Variants in DNM3 observed in about 807,000 individuals in gnomAD.
DNM3 encodes the protein dynamin-3.
In DNM3, 47 loss-of-function variants were observed where a neutral mutation model predicts 101.6. The observed-to-expected ratio is 0.46, with a 90% CI of 0.37 to 0.59. The LOEUF (loss-of-function observed/expected upper bound fraction) is 0.59, where lower values mean the gene tolerates loss of function less well. Among genes scored for constraint, DNM3 ranks in the 20% least tolerant of loss-of-function variants. The probability of loss-of-function intolerance (pLI) is 0.00; values close to 1 mark genes in which losing one functional copy is unlikely to be tolerated. For synonymous variants in DNM3, 385 were observed against 387.9 expected (o/e 0.99, Z 0.09); for missense variants, 849 against 1,085.7 (o/e 0.78, Z 3.06).
At chr1:171,854,642 A>G (rs1360145648) in intron 1 of DNM3, among the ~76,000 whole-genome samples, 2 of 152,092 alleles carry the variant, frequency 1.3e-5, no homozygotes, top group Non-Finnish European at 2.9e-5. Flanking sequence ...GACTCTCCCA[A>G]AGAAAAATTG....
chr1:172,131,783 G>C, intron 14 of DNM3: 1 of 392,976 alleles, frequency 2.5e-6, no homozygotes, highest in Non-Finnish European at 5.0e-6. Flanking sequence ...TCAGATCATT[G>C]TTTATACAAA....
chr1:172,291,243 AGTGTGTGTGTGTGCACACGCATACAT>A (rs1191202283), intron 15 of DNM3, among the ~76,000 whole-genome samples: 1 of 152,028 alleles, frequency 6.6e-6, no homozygotes, highest in Non-Finnish European at 1.5e-5. Context: ...GTCTAGAGAA[AGTGTGTGTGTGTGCACACGCATACAT>A]GTGCGTGTGT....
At chr1:172,149,587 T>C (rs887355921) in intron 14 of DNM3, among the ~76,000 whole-genome samples, 1 of 152,154 alleles carries the variant, frequency 6.6e-6, no homozygotes, top group Admixed American at 6.6e-5. Context: ...CTGAATGCTA[T>C]GTGCTATGAG....
chr1:171,911,794 T>G (rs1252612241), intron 1 of DNM3, among the ~76,000 whole-genome samples: 5 of 152,128 alleles, frequency 3.3e-5, no homozygotes, highest in Non-Finnish European at 7.4e-5. Flanking sequence ...ACTGCCCTGG[T>G]CAGCGGGTAA....
chr1:172,106,844 A>ATTTTTTTTTTTTTTTT (rs1289662689), intron 13 of DNM3, among the ~76,000 whole-genome samples: 26 of 51,042 alleles, frequency 5.1e-4, no homozygotes, highest in African/African-American at 1.6e-3. Flanking sequence ...AGGTAACATT[A>ATTTTTTTTTTTTTTTT]TTCTTTTTTT....
intron 10 of DNM3, among the ~76,000 whole-genome samples, chr1:172,055,701 G>A (rs2050548898): frequency 6.6e-6 from 1 of 152,162 alleles, no homozygotes; most frequent in Non-Finnish European, 1.5e-5. Context: ...TGATTCAGCA[G>A]GTGACGGTCA....
chr1:172,154,597 G>A (rs562247199), intron 14 of DNM3, among the ~76,000 whole-genome samples: 5 of 152,182 alleles, frequency 3.3e-5, no homozygotes, highest in African/African-American at 1.2e-4. Context: ...TAAAACTAAA[G>A]TGAATGGCAA....
At chr1:172,229,763 C>T (rs761605930) in intron 14 of DNM3, among the ~76,000 whole-genome samples, 8 of 152,066 alleles carry the variant, frequency 5.3e-5, no homozygotes, top group Admixed American at 1.3e-4. Context: ...CACACACACA[C>T]ACATACATAC....
At chr1:172,073,253 A>G (rs76517250) in intron 11 of DNM3, among the ~76,000 whole-genome samples, 10,321 of 150,640 alleles carry the variant, frequency 0.069, 690 homozygotes, top group East Asian at 0.17. Context: ...GTACATATAT[A>G]CATACATATA....
At chr1:172,030,861 C>T (rs1285103858) in intron 4 of DNM3, among the ~76,000 whole-genome samples, 1 of 152,204 alleles carries the variant, frequency 6.6e-6, no homozygotes, top group East Asian at 1.9e-4. Context: ...GATACCATCT[C>T]ATGCCAGTTA....
At chr1:172,253,988 C>A (rs2062294520) in intron 15 of DNM3, among the ~76,000 whole-genome samples, 2 of 151,998 alleles carry the variant, frequency 1.3e-5, no homozygotes, top group Admixed American at 1.3e-4. Flanking sequence ...GTCATCCAGA[C>A]CGGAATACAG....
intron 13 of DNM3, among the ~76,000 whole-genome samples, chr1:172,111,049 T>A (rs1038650423): frequency 2.0e-5 from 3 of 152,174 alleles, no homozygotes; most frequent in Middle Eastern, 3.2e-3. Flanking sequence ...AAAATAAAAT[T>A]AAATTAAATA....
intron 4 of DNM3, among the ~76,000 whole-genome samples, chr1:171,989,799 G>A (rs1478685395): frequency 1.3e-5 from 2 of 152,078 alleles, no homozygotes; most frequent in Non-Finnish European, 2.9e-5. Context: ...TTGTGGAAGG[G>A]CATTCAATGA....
chr1:171,933,511 C>T (rs1358796811), intron 2 of DNM3, among the ~76,000 whole-genome samples: 6 of 152,132 alleles, frequency 3.9e-5, no homozygotes, highest in African/African-American at 1.4e-4. Flanking sequence ...AGTGAGTGTT[C>T]AAGCCACGCT....
chr1:172,000,733 A>G (rs2046309031), intron 4 of DNM3, among the ~76,000 whole-genome samples: 1 of 152,042 alleles, frequency 6.6e-6, no homozygotes, highest in Admixed American at 6.6e-5. Flanking sequence ...GTCACTGGTG[A>G]CCTTGATAAG....
chr1:172,120,146 A>G (rs2056215662), intron 13 of DNM3, among the ~76,000 whole-genome samples: 1 of 152,184 alleles, frequency 6.6e-6, no homozygotes, highest in Non-Finnish European at 1.5e-5. Context: ...GTAAATTACA[A>G]AGAAAAAGAG....
chr1:172,122,281 C>T (rs2056370513), intron 13 of DNM3, among the ~76,000 whole-genome samples: 1 of 152,092 alleles, frequency 6.6e-6, no homozygotes, highest in Admixed American at 6.6e-5. Flanking sequence ...ACAAATATAA[C>T]TGAAATAATA....
At chr1:172,035,989 T>A (rs1014649215) in intron 6 of DNM3, among the ~76,000 whole-genome samples, 29 of 152,108 alleles carry the variant, frequency 1.9e-4, no homozygotes, top group Admixed American at 1.0e-3. Flanking sequence ...CCTTACTTTT[T>A]TTTTCTTTTT....
At chr1:172,069,297 A>C (rs2051966527) in intron 11 of DNM3, among the ~76,000 whole-genome samples, 1 of 152,352 alleles carries the variant, frequency 6.6e-6, no homozygotes, top group African/African-American at 2.4e-5. Flanking sequence ...GGACTCCAGA[A>C]GATTCACAAA....
Sources: gnomAD v4.1 joint callset for allele counts (sites outside exome capture counted in the v4.1 genomes callset) on GRCh38, gnomAD v4.1.1 for gene constraint, MANE v1.5 for transcripts, NCBI Gene and HGNC (gene_info 2026-07-23, HGNC 2026-07-21) for gene names.